Variants in NR5A2 observed in about 807,000 individuals in gnomAD.
NR5A2 encodes the protein CYP7A promoter-binding factor.
Under a neutral mutation model 62.7 loss-of-function variants are expected in NR5A2, and 26 were observed. That is an observed-to-expected ratio of 0.41 (90% CI 0.30 to 0.58). NR5A2 has a LOEUF of 0.58. NR5A2 is among the 20% of genes least tolerant of loss of function. NR5A2 has a pLI of 0.22. For missense variants in NR5A2, 541 were observed against 669.1 expected (o/e 0.81, Z 2.11); for synonymous variants, 246 against 241.7 (o/e 1.02, Z -0.16).
At chr1:200,096,811 A>G (rs1409663181) in intron 5 of NR5A2, among the ~76,000 whole-genome samples, 1 of 152,240 alleles carries the variant, frequency 6.6e-6, no homozygotes, top group African/African-American at 2.4e-5. Context: ...CATTATAAGT[A>G]TTGCAGTGTA....
In NR5A2 at chr1:200,039,813, G is replaced by T. The variant is rs113762480; in HGVS notation, c.202+18G>T. The T allele has an allele frequency of 0.087, 137,866 of 1,585,792 alleles. 6,415 individuals carry two copies. Among genetic ancestry groups the T allele is most frequent in the Non-Finnish European group, 0.097 (113,441 of 1,168,852 alleles). ...CATGCAAGGTAAGGAGGCGCCGCGC[G>T]GCGCTCCGGCTCCCGCTGCTTCCCC... On this transcript the variant is annotated intron_variant, in intron 2 of 7. Transcript: ENST00000367362. This position sits in a 1 kb window ranked among gnomAD's most constrained non-coding sequence, Gnocchi z 5.1.
intron 5 of NR5A2, among the ~76,000 whole-genome samples, chr1:200,052,802 G>A (rs1338453622): frequency 6.6e-6 from 1 of 151,138 alleles, no homozygotes; most frequent in Non-Finnish European, 1.5e-5. Flanking sequence ...CCACCACGCC[G>A]GCTAATTTTT....
chr1:200,042,895 T>G (rs1228655764), intron 2 of NR5A2: 4 of 985,386 alleles, frequency 4.1e-6, no homozygotes, highest in Non-Finnish European at 4.8e-6. Flanking sequence ...GGTTACCCGA[T>G]CCCGGCAGTG....
chr1:200,063,970 A>C (rs1663349391), intron 5 of NR5A2, among the ~76,000 whole-genome samples: 1 of 152,066 alleles, frequency 6.6e-6, no homozygotes, highest in Admixed American at 6.6e-5. Context: ...CCAACATGGC[A>C]AAACCCCGTC....
At chr1:200,162,595 C>T (rs1168989886) in intron 7 of NR5A2, among the ~76,000 whole-genome samples, 1 of 151,942 alleles carries the variant, frequency 6.6e-6, no homozygotes, top group African/African-American at 2.4e-5. Context: ...CATTTGGAGG[C>T]GGGGACAATA....
At chr1:200,046,713 A>T (rs1250584832) in intron 4 of NR5A2, among the ~76,000 whole-genome samples, 1 of 152,212 alleles carries the variant, frequency 6.6e-6, no homozygotes, top group Non-Finnish European at 1.5e-5. Context: ...ACCAATCACT[A>T]TTATTTCCCA....
At chr1:200,051,748 G>T (rs187968765) in intron 5 of NR5A2, among the ~76,000 whole-genome samples, 18 of 152,270 alleles carry the variant, frequency 1.2e-4, no homozygotes, top group African/African-American at 4.3e-4. Context: ...ACATTTGGAA[G>T]AATTCCTTTT....
At chr1:200,067,879 A>G (rs2363570) in intron 5 of NR5A2, among the ~76,000 whole-genome samples, 10,391 of 152,288 alleles carry the variant, frequency 0.068, 705 homozygotes, top group East Asian at 0.34. Flanking sequence ...GAGAACATTT[A>G]GTGCTTCCTC....
chr1:200,062,227 T>TGTGTGTGTGTGTGTGTGTGTGTG (rs1663256673), intron 5 of NR5A2, among the ~76,000 whole-genome samples: 1 of 145,666 alleles, frequency 6.9e-6, no homozygotes, highest in Non-Finnish European at 1.5e-5. Context: ...CTGGCAGATT[T>TGTGTGTGTGTGTGTGTGTGTGTG]TGTGTGTGTG....
intron 5 of NR5A2, among the ~76,000 whole-genome samples, chr1:200,059,564 A>G (rs1036195033): frequency 1.3e-5 from 2 of 152,162 alleles, no homozygotes; most frequent in South Asian, 2.1e-4. Flanking sequence ...GGTAGAGCCC[A>G]CTAAGCCTGA....
chr1:200,039,768 C>T lies in NR5A2; in HGVS notation c.175C>T (p.Gln59Ter), dbSNP rs746910295. The T allele has an allele frequency of 2.0e-5, 32 of 1,609,126 alleles. No homozygotes were observed. The highest frequency in any genetic ancestry group is 2.6e-5 in the Non-Finnish European group (31 of 1,178,024). The change falls in exon 2 of 8, where the codon CAG (glutamine) becomes TAG (stop). Residue 59 changes from glutamine (Q) to a stop codon, truncating the protein, a stop_gained. Coordinates refer to ENST00000367362, the MANE Select transcript of NR5A2 (RefSeq NM_205860.3). LOFTEE classifies it high-confidence loss of function. This position sits in a 1 kb window ranked among gnomAD's most constrained non-coding sequence, Gnocchi z 5.1. ...ALGLARSHGEQGQMPENMQVS... is the reference protein window; with the variant it reads ...ALGLARSHGE The stretch of plus-strand genomic sequence containing the variant: ...GGGACTGGCTCGATCGCATGGGGAA[C>T]AGGGCCAGATGCCGGAAAACATGCA...
chr1:200,027,832 T>C lies in NR5A2; in HGVS notation c.-16T>C. On this transcript the variant is annotated 5_prime_UTR_variant, in exon 1 of 8. Coordinates refer to ENST00000367362, the MANE Select transcript of NR5A2 (RefSeq NM_205860.3). ...TTCTGCTTTAAGCCAAAGAACTGCC[T>C]ATAATTTCACTAAGAATGTCTTCTA... 1 of 1,590,750 alleles carries C rather than the reference T, an allele frequency of 6.3e-7. No homozygotes were observed. The highest frequency in any genetic ancestry group is 1.7e-4 in the Middle Eastern group (1 of 6,000).
intron 7 of NR5A2, among the ~76,000 whole-genome samples, chr1:200,160,485 C>A (rs1653593384): frequency 6.6e-6 from 1 of 152,180 alleles, no homozygotes. Context: ...CTGAATCGGG[C>A]TCTTAGCCTC....
chr1:200,167,670 C>T (rs1343149348), intron 7 of NR5A2, among the ~76,000 whole-genome samples: 1 of 152,214 alleles, frequency 6.6e-6, no homozygotes, highest in Non-Finnish European at 1.5e-5. Flanking sequence ...ACATGCAGCA[C>T]TCTTCACAGT....
At chr1:200,117,559 A>G (rs973539254) in intron 6 of NR5A2, among the ~76,000 whole-genome samples, 3 of 152,210 alleles carry the variant, frequency 2.0e-5, no homozygotes, top group Non-Finnish European at 4.4e-5. Flanking sequence ...CACATATGAA[A>G]TTCTTGTATT....
At chr1:200,073,566 C>CA in intron 5 of NR5A2, among the ~76,000 whole-genome samples, 2 of 151,666 alleles carry the variant, frequency 1.3e-5, no homozygotes, top group Admixed American at 6.6e-5. Flanking sequence ...GGAATAATGA[C>CA]AAAAAAGTCT....
Position 200,086,452 on chromosome 1 carries a change from C to T in NR5A2, c.1111-24750C>T, listed in dbSNP as rs535533205. ...CCGAGTAGCTGGGATTACAGGCATG[C>T]GCCACCATACCCAGCTAATTTTGTA... On this transcript the variant is annotated intron_variant, in intron 5 of 7. Coordinates refer to ENST00000367362, the MANE Select transcript of NR5A2 (RefSeq NM_205860.3). 1.1e-4 allele frequency among the ~76,000 whole-genome samples: 16 copies of T among 152,098 alleles called. No individual in the cohort carries two copies. In the East Asian group the frequency reaches 2.7e-3, roughly 26 times the overall value.
rs916378825 is a variant in NR5A2 at position 200,175,624 on chromosome 1, T to C, written c.*1414T>C. On this transcript the variant is annotated 3_prime_UTR_variant, in exon 8 of 8. Transcript: ENST00000367362. ...TAATACTTTAAAGTCAAATAAGATA[T>C]AGTGTTTACATTCTTTAGGTCCTGA... 2.6e-5 allele frequency: 4 copies of C among 152,694 alleles called. No homozygotes were observed. Among genetic ancestry groups the C allele is most frequent in the East Asian group, 3.8e-4 (2 of 5,202 alleles). The allele number at this position is 152,694 out of a possible 1,614,324, so 9.5% of individuals were successfully genotyped here. A position where few individuals can be genotyped will look rare whatever the true frequency, so the allele number is the denominator to read the frequency against.
At chr1:200,138,202 G>T (rs1359915678) in intron 7 of NR5A2, among the ~76,000 whole-genome samples, 1 of 152,064 alleles carries the variant, frequency 6.6e-6, no homozygotes, top group African/African-American at 2.4e-5. Context: ...GTAATATATT[G>T]TTGGACAATC....
Sources: gnomAD v4.1 joint callset for allele counts (sites outside exome capture counted in the v4.1 genomes callset) on GRCh38, gnomAD v4.1.1 for gene constraint, Gnocchi (gnomAD v3.1) non-coding constraint, MANE v1.5 for transcripts, NCBI Gene and HGNC (gene_info 2026-07-23, HGNC 2026-07-21) for gene names.